The following GNPTAB variants were observed in gnomAD, a reference collection of about 807,000 sequenced individuals.
The protein encoded by GNPTAB is N-acetylglucosamine-1-phosphate transferase subunits alpha and beta.
Under a neutral mutation model 136.6 loss-of-function variants are expected in GNPTAB, and 92 were observed. That is an observed-to-expected ratio of 0.67 (90% CI 0.57 to 0.80). The LOEUF (loss-of-function observed/expected upper bound fraction) is 0.80. GNPTAB is among the 30% of genes least tolerant of loss of function. The pLI, the probability that GNPTAB is intolerant of heterozygous loss-of-function variation, is 0.00. For missense variants in GNPTAB, 1,343 were observed against 1,501.8 expected (o/e 0.89, Z 1.75); for synonymous variants, 512 against 535.1 (o/e 0.96, Z 0.60).
intron 15 of GNPTAB, among the ~76,000 whole-genome samples, chr12:101,760,821 C>T (rs1309915426): frequency 6.6e-6 from 1 of 150,724 alleles, no homozygotes; most frequent in African/African-American, 2.4e-5. Flanking sequence ...ACTCTGTTGC[C>T]CAGGCTGGAG....
chr12:101,781,247 G>A (rs1194851582), intron 5 of GNPTAB, among the ~76,000 whole-genome samples: 1 of 152,076 alleles, frequency 6.6e-6, no homozygotes, highest in East Asian at 1.9e-4. Context: ...TGACATTCAG[G>A]GATTGTGGAA....
intron 7 of GNPTAB, chr12:101,779,823 C>T: frequency 2.8e-6 from 1 of 353,982 alleles, no homozygotes; most frequent in Non-Finnish European, 5.4e-6. Flanking sequence ...CGTCTACGGC[C>T]ATACCACCCT....
chr12:101,803,218 T>G (rs1422939098), intron 1 of GNPTAB, among the ~76,000 whole-genome samples: 1 of 152,232 alleles, frequency 6.6e-6, no homozygotes, highest in African/African-American at 2.4e-5. Flanking sequence ...ATGTACCATG[T>G]TCCTAGATTA....
chr12:101,804,398 C>T (rs752323972), intron 1 of GNPTAB, among the ~76,000 whole-genome samples: 4 of 151,556 alleles, frequency 2.6e-5, no homozygotes, highest in Non-Finnish European at 4.4e-5. Context: ...GTATTCAAAC[C>T]GACTTTCTGA....
At chr12:101,808,542 CA>C (rs1282699758) in intron 1 of GNPTAB, among the ~76,000 whole-genome samples, 4 of 149,742 alleles carry the variant, frequency 2.7e-5, no homozygotes, top group African/African-American at 7.4e-5. Flanking sequence ...ACTCCGTCTC[CA>C]AAAAAAAAGA....
At chr12:101,795,256 T>A (rs1166540263) in intron 2 of GNPTAB, among the ~76,000 whole-genome samples, 8 of 152,180 alleles carry the variant, frequency 5.3e-5, no homozygotes, top group Non-Finnish European at 7.4e-5. Context: ...AAGTAACTGT[T>A]ATTTTCTTAA....
chr12:101,800,604 CAAAAAAAAAAAAA>C (rs58129963), intron 1 of GNPTAB, among the ~76,000 whole-genome samples: 1 of 74,286 alleles, frequency 1.3e-5, no homozygotes, highest in African/African-American at 5.3e-5. Flanking sequence ...ACTAAAAATA[CAAAAAAAAAAAAA>C]AAAAAAAAAA....
chr12:101,818,645 G>A (rs1238992790), intron 1 of GNPTAB, among the ~76,000 whole-genome samples: 1 of 152,178 alleles, frequency 6.6e-6, no homozygotes, highest in Non-Finnish European at 1.5e-5. Flanking sequence ...CCAAAGTGTT[G>A]GGATTATAGG....
chr12:101,758,779 G>A (rs916029759), intron 16 of GNPTAB, among the ~76,000 whole-genome samples: 1 of 152,176 alleles, frequency 6.6e-6, no homozygotes, highest in Non-Finnish European at 1.5e-5. Context: ...TGAGGGAGGA[G>A]GTGTCCTATC....
At chr12:101,802,589 C>T (rs11111031) in intron 1 of GNPTAB, among the ~76,000 whole-genome samples, 2,321 of 152,248 alleles carry the variant, frequency 0.015, 58 homozygotes, top group African/African-American at 0.053. Context: ...AAACACTCCA[C>T]AAGTCTGTTC....
At position 101,786,077 on chromosome 12, in the gene GNPTAB, T is replaced by C. The variant is rs550973950; in HGVS notation, c.506A>G (p.Asn169Ser). Residue 169 changes from asparagine to serine, a missense_variant, in exon 5 of 21, where the codon AAT becomes AGT. Coordinates refer to ENST00000299314, the MANE Select transcript of GNPTAB (RefSeq NM_024312.5). ...PSFHSASDIFNVAKPKNPSTN... is the reference protein window; with the variant it reads ...PSFHSASDIFSVAKPKNPSTN... ...AGAAGGGTTTTTTGGTTTTGCAACA[T>C]TGAAAATGTCACTGGCAGAATGAAA... The C allele has an allele frequency of 3.7e-6, 6 of 1,614,094 alleles. No homozygotes were observed. The South Asian group carries it at 4.4e-5, about 12-fold the overall frequency.
intron 1 of GNPTAB, among the ~76,000 whole-genome samples, chr12:101,826,950 GTTTTTTTTTTTTTTT>G (rs902178707): frequency 3.2e-5 from 2 of 62,350 alleles, no homozygotes; most frequent in Non-Finnish European, 6.0e-5. Flanking sequence ...TGTGGGAGTT[GTTTTTTTTTTTTTTT>G]TTTTTTTTTT....
chr12:101,827,575 G>T (rs1047857836), intron 1 of GNPTAB, among the ~76,000 whole-genome samples: 1 of 152,110 alleles, frequency 6.6e-6, no homozygotes, highest in Middle Eastern at 3.4e-3. Flanking sequence ...TCTACTTCTC[G>T]AAGTTTGGAT....
intron 1 of GNPTAB, among the ~76,000 whole-genome samples, chr12:101,822,195 C>T (rs1379416882): frequency 1.3e-5 from 2 of 152,120 alleles, no homozygotes; most frequent in African/African-American, 2.4e-5. Flanking sequence ...GGGCGGATCA[C>T]GAGGTCAGGA....
intron 5 of GNPTAB, among the ~76,000 whole-genome samples, chr12:101,780,840 T>A (rs934481041): frequency 6.6e-6 from 1 of 152,146 alleles, no homozygotes; most frequent in African/African-American, 2.4e-5. Context: ...CCAAAGGTGA[T>A]TGACATAAAG....
chr12:101,750,732 G>C (rs182896662), intron 19 of GNPTAB, among the ~76,000 whole-genome samples: 11 of 152,276 alleles, frequency 7.2e-5, no homozygotes, highest in African/African-American at 2.4e-4. Flanking sequence ...CCATGATTCA[G>C]TAATAACTTC....
intron 1 of GNPTAB, among the ~76,000 whole-genome samples, chr12:101,826,516 T>C (rs929531888): frequency 5.3e-5 from 8 of 151,970 alleles, no homozygotes; most frequent in African/African-American, 1.9e-4. Flanking sequence ...ATTTTTTTTT[T>C]TTTTCAAAAC....
rs12300656 is a variant in GNPTAB, at chr12:101,794,187, T to A, written c.203+2490A>T. Among the ~76,000 whole-genome samples the A allele has an allele frequency of 3.7e-3, 557 of 152,322 alleles. 3 individuals carry two copies. The highest frequency in any genetic ancestry group is 0.013 in the African/African-American group (536 of 41,570). On this transcript the variant is annotated intron_variant, in intron 2 of 20. Transcript: ENST00000299314. ...CAAAGAGTTGGAAGAGATTGTAGTC[T>A]TAATCTAATACAATAGCTCTTAATC...
chr12:101,787,682 G>C (rs1326235778), intron 4 of GNPTAB, among the ~76,000 whole-genome samples: 1 of 152,122 alleles, frequency 6.6e-6, no homozygotes, highest in African/African-American at 2.4e-5. Context: ...GGGAGGCCGA[G>C]GCGGGCGGAT....
Sources: allele counts gnomAD v4.1 joint callset (sites outside exome capture counted in the v4.1 genomes callset), GRCh38; gene constraint gnomAD v4.1.1; transcripts MANE v1.5; gene names NCBI Gene and HGNC (gene_info 2026-07-23, HGNC 2026-07-21).